OR56A3: variants seen among roughly 807,000 people sequenced by gnomAD.
OR56A3 encodes the protein olfactory receptor family 56 subfamily A member 3, also known as olfactory receptor 56A3.
In OR56A3, 23 loss-of-function variants were observed where a neutral mutation model predicts 17.5. That is an observed-to-expected ratio of 1.32 (90% confidence interval 0.95 to 1.87). The LOEUF (loss-of-function observed/expected upper bound fraction) is 1.87. Among genes scored for constraint, OR56A3 ranks in the 40% most tolerant of loss-of-function variants. OR56A3 has a pLI of 0.00. For synonymous variants in OR56A3, 175 were observed against 150.6 expected, an observed-to-expected ratio of 1.16 and a Z score of -1.19; for missense variants, 366 against 380.1, an observed-to-expected ratio of 0.96 and a Z score of 0.31.
downstream of OR56A3, among the ~76,000 whole-genome samples, chr11:5,953,318 T>C (rs141095339): frequency 1.3e-3 from 193 of 152,216 alleles, no homozygotes; most frequent in African/African-American, 3.6e-3. Context: ...ATACCTGTTG[T>C]TTTTTTGACT....
the OR56A3 span, among the ~76,000 whole-genome samples, chr11:6,019,045 A>T: frequency 4.0e-4 from 60 of 151,706 alleles, no homozygotes; most frequent in African/African-American, 8.0e-4. Context: ...GCCTGCCAAC[A>T]AAAAAAAGCA....
chr11:6,010,442 C>T, the OR56A3 span, among the ~76,000 whole-genome samples: 2 of 152,156 alleles, frequency 1.3e-5, no homozygotes, highest in African/African-American at 4.8e-5. Flanking sequence ...GATATTCCCT[C>T]ATTAGGATTA....
downstream of OR56A3, among the ~76,000 whole-genome samples, chr11:5,955,634 G>T (rs190466802): frequency 1.3e-5 from 2 of 152,116 alleles, no homozygotes; most frequent in African/African-American, 2.4e-5. Context: ...CTTCTGGGGG[G>T]TTACATTCCT....
At chr11:6,004,472 G>A in the OR56A3 span, among the ~76,000 whole-genome samples, 19 of 152,238 alleles carry the variant, frequency 1.2e-4, no homozygotes, top group African/African-American at 4.3e-4. Flanking sequence ...AGGTGTGCAT[G>A]AGAAGATATT....
chr11:5,952,734 G>A (rs962167624), downstream of OR56A3, among the ~76,000 whole-genome samples: 7 of 152,266 alleles, frequency 4.6e-5, no homozygotes, highest in East Asian at 1.4e-3. Flanking sequence ...ACTTTAGAGT[G>A]CCAATGATTC....
At position 5,948,474 on chromosome 11, in the gene OR56A3, C is replaced by A. The variant is rs992507177; in HGVS notation, c.*180C>A. On this transcript the variant is annotated 3_prime_UTR_variant, in exon 3 of 3. Coordinates refer to ENST00000641160, the MANE Select transcript of OR56A3 (RefSeq NM_001003443.3). Reference sequence around the variant, plus strand: ...TCTATCTTCCTTTTCACCCTTTTCTCAGAAATATTCTTGGCCCTCTCTCGT... The same window carrying A: ...TCTATCTTCCTTTTCACCCTTTTCTAAGAAATATTCTTGGCCCTCTCTCGT... 2.3e-5 allele frequency: 13 copies of A among 560,494 alleles called. No individual in the cohort carries two copies. The highest frequency in any genetic ancestry group is 4.1e-5 in the Non-Finnish European group (13 of 318,116). 34.7% of individuals were successfully genotyped at this position (560,494 alleles called of 1,614,324 possible). A position where few individuals can be genotyped will look rare whatever the true frequency, so the allele number is the denominator to read the frequency against.
At chr11:5,951,676 C>G (rs945035658), downstream of OR56A3, among the ~76,000 whole-genome samples, 10 of 152,240 alleles carry the variant, frequency 6.6e-5, no homozygotes, top group African/African-American at 2.2e-4. Context: ...AAAAGCAAAG[C>G]AAAACACAGA....
At chr11:6,015,051 C>T in the OR56A3 span, among the ~76,000 whole-genome samples, 59 of 125,456 alleles carry the variant, frequency 4.7e-4, no homozygotes, top group African/African-American at 1.7e-3. Flanking sequence ...AAAAGGGAAG[C>T]AGAGCATAAA....
the OR56A3 span, among the ~76,000 whole-genome samples, chr11:5,987,913 C>A: frequency 6.6e-5 from 10 of 152,234 alleles, no homozygotes; most frequent in African/African-American, 2.4e-4. Flanking sequence ...AAATGCAGAT[C>A]TCATCATATC....
At position 5,947,915 on chromosome 11, in the gene OR56A3, G is replaced by C. The variant is rs1416545118; in HGVS notation, c.569G>C (p.Arg190Thr). 1 of 1,614,202 alleles carries C rather than the reference G, an allele frequency of 6.2e-7. No individual in the cohort carries two copies. The highest frequency in any genetic ancestry group is 1.3e-5 in the African/African-American group (1 of 75,052). Residue 190 changes from arginine (R) to threonine (T), a missense_variant, in exon 3 of 3, where the codon AGA becomes ACA. Arg to Thr is a moderately conservative substitution (Grantham distance 71). Transcript: ENST00000641160. The stretch of plus-strand genomic sequence containing the variant: ...ATCTGTGCCAATATGTCTGTTTCCA[G>C]ACTCTCCTGCGATGATGTCACCATC... The part of the protein sequence containing the change: ...NCICANMSVS[R>T]LSCDDVTINH...
At chr11:5,959,934 CATT>C in the OR56A3 span, among the ~76,000 whole-genome samples, 7 of 152,086 alleles carry the variant, frequency 4.6e-5, no homozygotes, top group Admixed American at 4.6e-4. Flanking sequence ...TCCTTTTCCT[CATT>C]GTGTGTTATT....
chr11:6,006,389 A>G, the OR56A3 span: 21 of 152,192 alleles, frequency 1.4e-4, no homozygotes, highest in Non-Finnish European at 2.5e-4. Context: ...CAACTCCATC[A>G]GTTCATACCC....
chr11:5,963,288 C>G, the OR56A3 span, among the ~76,000 whole-genome samples: 2 of 151,964 alleles, frequency 1.3e-5, no homozygotes, highest in Admixed American at 6.6e-5. Context: ...ATTTGAGATG[C>G]TTTTTCTTTA....
At chr11:6,003,783 C>CTTCA in the OR56A3 span, among the ~76,000 whole-genome samples, 1 of 152,086 alleles carries the variant, frequency 6.6e-6, no homozygotes, top group Admixed American at 6.6e-5. Flanking sequence ...ATCAAATGAG[C>CTTCA]TGAAGTTCAC....
the OR56A3 span, chr11:5,995,106 G>T: frequency 1.7e-5 from 10 of 589,920 alleles, no homozygotes; most frequent in Admixed American, 2.2e-4. Context: ...GCGGCTGGAC[G>T]CAGCCCAGGG....
the OR56A3 span, among the ~76,000 whole-genome samples, chr11:6,015,887 G>A: frequency 1.3e-5 from 2 of 152,284 alleles, no homozygotes; most frequent in South Asian, 4.1e-4. Flanking sequence ...GCTAATGTTG[G>A]AATGAGTAAA....
At chr11:5,962,158 T>C in the OR56A3 span, among the ~76,000 whole-genome samples, 2 of 152,234 alleles carry the variant, frequency 1.3e-5, no homozygotes, top group Non-Finnish European at 2.9e-5. Context: ...ATGATTTTTG[T>C]TTTTCATTTT....
downstream of OR56A3, among the ~76,000 whole-genome samples, chr11:5,952,926 TA>T (rs1274282391): frequency 2.0e-5 from 3 of 152,200 alleles, no homozygotes; most frequent in African/African-American, 7.2e-5. Flanking sequence ...GTTCCTGTGT[TA>T]ATTTACTTAG....
At chr11:5,990,992 C>T in the OR56A3 span, among the ~76,000 whole-genome samples, 6 of 152,136 alleles carry the variant, frequency 3.9e-5, no homozygotes. Context: ...CTCCCTAAGT[C>T]TCCAGTTCAA....
Sources: gnomAD v4.1 joint callset for allele counts (sites outside exome capture counted in the v4.1 genomes callset) on GRCh38, gnomAD v4.1.1 for gene constraint, MANE v1.5 for transcripts, NCBI Gene and HGNC (gene_info 2026-07-23, HGNC 2026-07-21) for gene names.